The following CERK variants were observed in gnomAD, a reference collection of about 807,000 sequenced individuals.
CERK encodes acylsphingosine kinase.
Under a neutral mutation model 63.4 loss-of-function variants are expected in CERK, and 39 were observed. The ratio of observed to expected loss-of-function variants is 0.61; its 90% CI spans 0.48 to 0.80. The LOEUF is 0.80. Among genes scored for constraint, CERK ranks in the 30% least tolerant of loss-of-function variants. The pLI, the probability that CERK is intolerant of heterozygous loss-of-function variation, is 0.00. For synonymous variants in CERK, 302 were observed against 280.0 expected (o/e 1.08, Z -0.78); for missense variants, 670 against 714.1 (o/e 0.94, Z 0.70).
chr22:46,732,505 T>C (rs1569331817), intron 1 of CERK, among the ~76,000 whole-genome samples: 1 of 151,994 alleles, frequency 6.6e-6, no homozygotes, highest in African/African-American at 2.4e-5. Context: ...TTCTCGAGTA[T>C]GAAAGTTTCT....
chr22:46,695,629 C>A (rs556435201), intron 8 of CERK, among the ~76,000 whole-genome samples: 1 of 152,362 alleles, frequency 6.6e-6, no homozygotes, highest in South Asian at 2.1e-4. Context: ...CCCCTCATAG[C>A]CTCGATGATG....
rs747162126 is a variant in CERK, at chr22:46,707,934, A to C, written c.624T>G (p.Ile208Met). The change falls in exon 6 of 13, where the codon ATT (isoleucine) becomes ATG (methionine). Residue 208 changes from isoleucine to methionine, a missense_variant. By Grantham distance (10) the Ile-to-Met change is conservative. Transcript: ENST00000216264. ...GMFSEVLHGL[I>M]GRTQRSAGVD... Reference sequence around the variant, plus strand: ...CCCCGGCGCTCCTCTGCGTCCTCCCAATCAGACCGTGCAGCACCTCGCTGA... The same window carrying C: ...CCCCGGCGCTCCTCTGCGTCCTCCCCATCAGACCGTGCAGCACCTCGCTGA... The C allele has an allele frequency of 6.2e-7, 1 of 1,613,878 alleles. No individual in the cohort carries two copies. Among genetic ancestry groups the C allele is most frequent in the African/African-American group, 1.3e-5 (1 of 75,052 alleles).
chr22:46,689,076 C>T (rs1029721592), intron 12 of CERK, among the ~76,000 whole-genome samples: 52 of 152,384 alleles, frequency 3.4e-4, no homozygotes, highest in African/African-American at 1.2e-3. Flanking sequence ...TCCCACCCTC[C>T]GCCCAGCCAG....
chr22:46,696,204 G>A (rs1407781544), intron 8 of CERK, among the ~76,000 whole-genome samples: 1 of 151,268 alleles, frequency 6.6e-6, no homozygotes, highest in East Asian at 1.9e-4. Flanking sequence ...ACATCTGTGT[G>A]CCTGAAAGTC....
chr22:46,717,456 C>CA (rs2082871832), intron 3 of CERK, among the ~76,000 whole-genome samples: 1 of 152,260 alleles, frequency 6.6e-6, no homozygotes, highest in Admixed American at 6.5e-5. Context: ...AGAGAATGGA[C>CA]AAACGGCAGC....
At chr22:46,737,972 A>AG in intron 1 of CERK, 35 bp downstream of exon 1, 1 of 1,137,450 alleles carries the variant, frequency 8.8e-7, no homozygotes, top group Non-Finnish European at 1.1e-6. Context: ...CTCCCTGGCC[A>AG]GGTCCGGCCG....
intron 4 of CERK, among the ~76,000 whole-genome samples, 179 bp downstream of exon 4, chr22:46,711,989 A>G (rs1449110925): frequency 6.6e-6 from 1 of 152,212 alleles, no homozygotes; most frequent in African/African-American, 2.4e-5. Context: ...TGGGAGGCTG[A>G]GGCAGGAGGA....
chr22:46,737,590 G>A (rs1483207994), intron 1 of CERK, among the ~76,000 whole-genome samples: 1 of 152,242 alleles, frequency 6.6e-6, no homozygotes, highest in Non-Finnish European at 1.5e-5. Context: ...CCCTGCTAAA[G>A]AAAAGCATCT....
intron 6 of CERK, among the ~76,000 whole-genome samples, chr22:46,702,496 A>C (rs781129050): frequency 6.6e-6 from 1 of 152,150 alleles, no homozygotes; most frequent in East Asian, 1.9e-4. Flanking sequence ...TTTCACCATG[A>C]TGGCCAGGCT....
At chr22:46,706,307 G>A (rs1043979856) in intron 6 of CERK, among the ~76,000 whole-genome samples, 16 of 152,186 alleles carry the variant, frequency 1.1e-4, no homozygotes, top group African/African-American at 3.9e-4. Flanking sequence ...CAGCTCTTCC[G>A]CTCTCCCCAC....
chr22:46,698,228 A>G (rs1025349425), intron 8 of CERK, among the ~76,000 whole-genome samples: 1 of 152,258 alleles, frequency 6.6e-6, no homozygotes, highest in African/African-American at 2.4e-5. Flanking sequence ...TGAGAAGAGC[A>G]CTGTGGAGAA....
chr22:46,691,752 G>T lies in CERK; in HGVS notation c.1152C>A (p.Val384=). ...CATTGATGGCCAGAAACTTCCCACA[G>T]ACGACTTGCCACTCCTCCACGTCCT... The part of the protein sequence containing the change: ...AAEDVEEWQV[V]CGKFLAINAT... The change falls in exon 11 of 13, where the codon GTC becomes GTA. Residue 384 remains valine (V), a synonymous_variant. Coordinates refer to ENST00000216264, the MANE Select transcript of CERK (RefSeq NM_022766.6). The T allele has an allele frequency of 6.2e-7, 1 of 1,612,178 alleles. No individual in the cohort carries two copies.
intron 6 of CERK, among the ~76,000 whole-genome samples, chr22:46,705,524 A>C (rs1216117499): frequency 6.6e-6 from 1 of 152,166 alleles, no homozygotes; most frequent in Non-Finnish European, 1.5e-5. Flanking sequence ...ATACAAAATT[A>C]GCCAGGCATG....
intron 8 of CERK, among the ~76,000 whole-genome samples, chr22:46,696,449 C>G (rs188525250): frequency 1.0e-3 from 154 of 152,312 alleles, no homozygotes; most frequent in Middle Eastern, 6.8e-3. Flanking sequence ...GCCGGCTCCT[C>G]TCTCAAGTGC....
chr22:46,687,061 A>T lies in CERK; in HGVS notation c.*73T>A. 3.3e-6 allele frequency: 4 copies of T among 1,213,664 alleles called. No individual in the cohort carries two copies. Among genetic ancestry groups the T allele is most frequent in the Non-Finnish European group, 4.8e-6 (4 of 826,762 alleles). The allele number at this position is 1,213,664 out of a possible 1,614,324, so 75.2% of individuals were successfully genotyped here. A position where few individuals can be genotyped will look rare whatever the true frequency, so the allele number is the denominator to read the frequency against. Reference sequence around the variant, plus strand: ...TTTCTACATTTAAATGTATATATCAACATAATTGGTCTGTAATAATTATCT... The same window carrying T: ...TTTCTACATTTAAATGTATATATCATCATAATTGGTCTGTAATAATTATCT... On this transcript the variant is annotated 3_prime_UTR_variant, in exon 13 of 13. Transcript: ENST00000216264.
intron 8 of CERK, among the ~76,000 whole-genome samples, chr22:46,697,865 C>T (rs1402825407): frequency 6.6e-6 from 1 of 152,214 alleles, no homozygotes; most frequent in Admixed American, 6.5e-5. Flanking sequence ...ACGTCGCACC[C>T]ACTGCCTGAT....
At chr22:46,737,422 T>C (rs946024194) in intron 1 of CERK, among the ~76,000 whole-genome samples, 11 of 152,132 alleles carry the variant, frequency 7.2e-5, no homozygotes, top group African/African-American at 2.4e-4. Flanking sequence ...CTTCTCCTCA[T>C]CCGGAGGGCC....
At chr22:46,694,044 G>A (rs536172495) in intron 9 of CERK, among the ~76,000 whole-genome samples, 2 of 152,092 alleles carry the variant, frequency 1.3e-5, no homozygotes, top group Admixed American at 6.5e-5. Context: ...ATCAGCAGCC[G>A]AGTTCTTTAA....
At chr22:46,701,844 A>G in intron 6 of CERK, 134 bp from the exon 7 acceptor site, 1 of 627,102 alleles carries the variant, frequency 1.6e-6, no homozygotes, top group South Asian at 2.1e-5. Flanking sequence ...AATAGAATTT[A>G]CCTACAAAAT....
Sources: allele counts gnomAD v4.1 joint callset (sites outside exome capture counted in the v4.1 genomes callset), GRCh38; gene constraint gnomAD v4.1.1; transcripts MANE v1.5; gene names NCBI Gene and HGNC (gene_info 2026-07-23, HGNC 2026-07-21).